The following CEP112 variants were observed in gnomAD, a reference collection of about 807,000 sequenced individuals.
CEP112 encodes centrosomal protein 112, also known as centrosomal protein of 112 kDa.
CEP112 carries 127 observed loss-of-function variants against 153.0 expected under a neutral mutation model. The ratio of observed to expected loss-of-function variants is 0.83; its 90% CI spans 0.72 to 0.96. The LOEUF (loss-of-function observed/expected upper bound fraction) is 0.96, where lower values mean the gene tolerates loss of function less well. Ranked by LOEUF, CEP112 falls within the 40% of genes least tolerant of loss-of-function variation. The pLI, the probability that CEP112 is intolerant of heterozygous loss-of-function variation, is 0.00. For missense variants in CEP112, 1,089 were observed against 1,101.2 expected, an observed-to-expected ratio of 0.99 and a Z score of 0.16; for synonymous variants, 358 against 374.4, an observed-to-expected ratio of 0.96 and a Z score of 0.51.
intron 11 of CEP112, among the ~76,000 whole-genome samples, chr17:66,060,150 G>A (rs947996377): frequency 1.3e-5 from 2 of 152,010 alleles, no homozygotes; most frequent in East Asian, 3.9e-4. Flanking sequence ...GGAAAGAGGG[G>A]GACAAAGGCT....
intron 12 of CEP112, among the ~76,000 whole-genome samples, chr17:66,034,767 TA>T (rs2145770388): frequency 6.6e-6 from 1 of 151,884 alleles, no homozygotes; most frequent in Admixed American, 6.6e-5. Context: ...TTGAACAAAG[TA>T]ACAGTGATAA....
intron 23 of CEP112, among the ~76,000 whole-genome samples, chr17:65,711,953 T>C (rs1201472980): frequency 6.6e-6 from 1 of 152,194 alleles, no homozygotes; most frequent in Non-Finnish European, 1.5e-5. Flanking sequence ...TTTGGCAAAG[T>C]ACAAGGGTAG....
At chr17:66,010,828 A>C (rs989337833) in intron 16 of CEP112, among the ~76,000 whole-genome samples, 2 of 152,150 alleles carry the variant, frequency 1.3e-5, no homozygotes, top group African/African-American at 4.8e-5. Flanking sequence ...GTGGTGAATT[A>C]GCTTTTTGAT....
chr17:65,656,469 G>C (rs922811392), intron 24 of CEP112, among the ~76,000 whole-genome samples: 1 of 152,158 alleles, frequency 6.6e-6, no homozygotes, highest in African/African-American at 2.4e-5. Flanking sequence ...ACATTTATGC[G>C]TGTTGCATCT....
chr17:66,131,385 T>C (rs1206137265), intron 5 of CEP112, among the ~76,000 whole-genome samples: 1 of 152,240 alleles, frequency 6.6e-6, no homozygotes, highest in East Asian at 1.9e-4. Context: ...TTATATTTTT[T>C]TAATTCCAAA....
chr17:66,117,102 G>A (rs2069335707), intron 6 of CEP112, among the ~76,000 whole-genome samples: 1 of 151,898 alleles, frequency 6.6e-6, no homozygotes, highest in South Asian at 2.1e-4. Flanking sequence ...CACCATGTTG[G>A]CCAGGATGGT....
At chr17:65,826,248 G>A (rs1034633666) in intron 21 of CEP112, 4 of 1,614,012 alleles carry the variant, frequency 2.5e-6, no homozygotes, top group Non-Finnish European at 3.4e-6. Flanking sequence ...ATCAGTCTCA[G>A]GGCTTGGTTT....
At chr17:65,726,689 G>A (rs9892756) in intron 23 of CEP112, among the ~76,000 whole-genome samples, 83,068 of 151,854 alleles carry the variant, frequency 0.55, 23,012 homozygotes, top group South Asian at 0.72. Flanking sequence ...GTCATACGAC[G>A]TTTTCAGAAA....
At chr17:65,798,806 A>T (rs2055090690) in intron 21 of CEP112, among the ~76,000 whole-genome samples, 1 of 152,204 alleles carries the variant, frequency 6.6e-6, no homozygotes, top group Non-Finnish European at 1.5e-5. Flanking sequence ...GAACTATGTG[A>T]CCATGGTTTT....
Position 66,000,247 on chromosome 17 carries a change from T to G in CEP112, c.1736+5443A>C, listed in dbSNP as rs1598063138. Among the ~76,000 whole-genome samples, 3 of 77,750 alleles carry G rather than the reference T, an allele frequency of 3.9e-5. No homozygotes were observed. The East Asian group carries it at 1.4e-3, about 35-fold the overall frequency. The allele number at this position is 77,750 out of a possible 152,430, so 51.0% of individuals were successfully genotyped here. Reference sequence around the variant, plus strand: ...TGGCATCTGTTTTTTTTTTGTCTTTTTAGTAATAACCATTTTGACTGTAAG... The same window carrying G: ...TGGCATCTGTTTTTTTTTTGTCTTTGTAGTAATAACCATTTTGACTGTAAG... On this transcript the variant is annotated intron_variant, in intron 17 of 26. Coordinates refer to ENST00000535342, the MANE Select transcript of CEP112 (RefSeq NM_001199165.4).
At chr17:65,834,145 C>T (rs1477356962) in intron 21 of CEP112, among the ~76,000 whole-genome samples, 3 of 151,952 alleles carry the variant, frequency 2.0e-5, no homozygotes, top group South Asian at 2.1e-4. Flanking sequence ...ACTGGCTAGC[C>T]GTATGCATAA....
At chr17:65,843,612 T>C (rs751108483) in intron 21 of CEP112, among the ~76,000 whole-genome samples, 1 of 152,230 alleles carries the variant, frequency 6.6e-6, no homozygotes, top group Non-Finnish European at 1.5e-5. Flanking sequence ...TTATGCCATA[T>C]GGAGCTTTTC....
intron 2 of CEP112, among the ~76,000 whole-genome samples, chr17:66,181,496 C>A (rs909606966): frequency 6.6e-6 from 1 of 151,662 alleles, no homozygotes; most frequent in South Asian, 2.1e-4. Flanking sequence ...CAGGTGCCCA[C>A]CAACACGCCC....
chr17:66,109,663 AT>A (rs1475950842), intron 6 of CEP112, among the ~76,000 whole-genome samples: 1 of 152,184 alleles, frequency 6.6e-6, no homozygotes, highest in Non-Finnish European at 1.5e-5. Context: ...AGTAGAATCC[AT>A]TTTGGACAGT....
At chr17:66,172,251 A>G (rs953405932) in intron 4 of CEP112, among the ~76,000 whole-genome samples, 4 of 152,200 alleles carry the variant, frequency 2.6e-5, no homozygotes, top group African/African-American at 4.8e-5. Context: ...ACCTCATGAA[A>G]TTTACAATCT....
At chr17:66,176,794 G>T in intron 3 of CEP112, 36 bp downstream of exon 3, 1 of 1,469,848 alleles carries the variant, frequency 6.8e-7, no homozygotes, top group East Asian at 2.3e-5. Context: ...TTTTTTAAAT[G>T]AAACTAATAT....
intron 21 of CEP112, chr17:65,826,453 A>C (rs781490391): frequency 1.0e-4 from 158 of 1,518,898 alleles, no homozygotes; most frequent in Non-Finnish European, 1.3e-4. Flanking sequence ...AGAGTGTCTG[A>C]GATTCCCCAC....
intron 21 of CEP112, among the ~76,000 whole-genome samples, chr17:65,821,837 C>A (rs2056601458): frequency 6.6e-6 from 1 of 151,408 alleles, no homozygotes; most frequent in Non-Finnish European, 1.5e-5. Flanking sequence ...CAGGCATGAG[C>A]CACCGTGCCT....
chr17:65,674,878 A>G (rs2047151173), intron 24 of CEP112, among the ~76,000 whole-genome samples: 1 of 152,234 alleles, frequency 6.6e-6, no homozygotes, highest in Non-Finnish European at 1.5e-5. Flanking sequence ...ACAATGAAAC[A>G]AGATCCTTGT....
Sources: allele counts gnomAD v4.1 joint callset (sites outside exome capture counted in the v4.1 genomes callset), GRCh38; gene constraint gnomAD v4.1.1; transcripts MANE v1.5; gene names NCBI Gene and HGNC (gene_info 2026-07-23, HGNC 2026-07-21).